The following TRPM3 variants were observed in gnomAD, a reference collection of about 807,000 sequenced individuals.
TRPM3 encodes the protein transient receptor potential cation channel subfamily M member 3.
TRPM3 carries 77 observed loss-of-function variants against 181.2 expected under a neutral mutation model. The observed-to-expected ratio is 0.42, with a 90% CI of 0.35 to 0.51. The LOEUF is 0.51. TRPM3 is among the 20% of genes least tolerant of loss of function. The pLI is 0.01. For synonymous variants in TRPM3, 745 were observed against 796.4 expected (o/e 0.94, Z 1.09); for missense variants, 1,759 against 2,196.7 (o/e 0.80, Z 3.98).
intron 8 of TRPM3, among the ~76,000 whole-genome samples, chr9:70,754,593 C>T (rs1477304690): frequency 1.3e-5 from 2 of 152,064 alleles, no homozygotes; most frequent in Non-Finnish European, 2.9e-5. Context: ...TTCATGAGGC[C>T]ACAGCACCCA....
chr9:70,917,207 T>G, intron 1 of TRPM3: 1 of 1,599,528 alleles, frequency 6.3e-7, no homozygotes, highest in South Asian at 1.1e-5. Context: ...TTTATTGAAG[T>G]CCTGGATTGC....
At chr9:71,134,355 C>A (rs1246518186) in intron 1 of TRPM3, among the ~76,000 whole-genome samples, 1 of 151,772 alleles carries the variant, frequency 6.6e-6, no homozygotes. Flanking sequence ...ATGAAGTCAC[C>A]ATCCTGGCCA....
chr9:71,353,818 T>C (rs780966981), intron 1 of TRPM3, among the ~76,000 whole-genome samples: 7 of 152,200 alleles, frequency 4.6e-5, no homozygotes, highest in Admixed American at 2.6e-4. Flanking sequence ...CTACCACATA[T>C]ATTGGTGAAC....
chr9:70,997,476 T>C (rs1399218861), intron 1 of TRPM3, among the ~76,000 whole-genome samples: 1 of 152,350 alleles, frequency 6.6e-6, no homozygotes, highest in Admixed American at 6.5e-5. Flanking sequence ...ATTACAGGCT[T>C]GAGCCACCGC....
intron 1 of TRPM3, among the ~76,000 whole-genome samples, chr9:71,254,598 TATG>T (rs1232339987): frequency 3.3e-5 from 5 of 152,224 alleles, no homozygotes; most frequent in African/African-American, 4.8e-5. Context: ...GATAAATATA[TATG>T]ATTATTGTCA....
intron 20 of TRPM3, 115 bp from the exon 21 acceptor site, chr9:70,598,785 T>A: frequency 8.0e-7 from 1 of 1,248,370 alleles, no homozygotes; most frequent in South Asian, 1.4e-5. Flanking sequence ...TCTACCTATA[T>A]CTACTTAAAT....
intron 1 of TRPM3, among the ~76,000 whole-genome samples, chr9:70,879,735 G>A (rs1216865392): frequency 6.6e-6 from 1 of 152,116 alleles, no homozygotes; most frequent in Non-Finnish European, 1.5e-5. Context: ...GTGAATTAAT[G>A]GAACACCTTG....
intron 1 of TRPM3, among the ~76,000 whole-genome samples, chr9:71,368,257 T>A (rs565764670): frequency 6.6e-6 from 1 of 152,190 alleles, no homozygotes; most frequent in Admixed American, 6.5e-5. Flanking sequence ...TCTGATTACT[T>A]GTTTGACAGC....
intron 1 of TRPM3, among the ~76,000 whole-genome samples, chr9:71,024,296 C>T (rs1252343223): frequency 2.6e-5 from 4 of 151,900 alleles, no homozygotes; most frequent in Non-Finnish European, 4.4e-5. Context: ...GACAGAGGGG[C>T]CAAGTATCAA....
chr9:71,375,525 G>GA (rs2092644869), intron 1 of TRPM3, among the ~76,000 whole-genome samples: 1 of 152,146 alleles, frequency 6.6e-6, no homozygotes, highest in African/African-American at 2.4e-5. Flanking sequence ...TTGACAAATA[G>GA]AATCTAATTA....
chr9:71,203,590 A>T (rs980374793), intron 1 of TRPM3, among the ~76,000 whole-genome samples: 10 of 152,226 alleles, frequency 6.6e-5, no homozygotes, highest in Admixed American at 1.3e-4. Context: ...CAGTTATGCT[A>T]CTGACTGGCT....
At chr9:71,248,746 G>T (rs556810360) in intron 1 of TRPM3, among the ~76,000 whole-genome samples, 13 of 152,054 alleles carry the variant, frequency 8.5e-5, no homozygotes, top group Non-Finnish European at 1.6e-4. Context: ...TATAATGTAC[G>T]TCCAACTATT....
intron 1 of TRPM3, among the ~76,000 whole-genome samples, chr9:70,949,867 C>T (rs560900029): frequency 6.6e-6 from 1 of 152,208 alleles, no homozygotes; most frequent in East Asian, 1.9e-4. Flanking sequence ...AAATCACCTC[C>T]TTCATCTGAG....
intron 1 of TRPM3, among the ~76,000 whole-genome samples, chr9:71,056,187 T>C (rs1156682898): frequency 6.6e-6 from 1 of 151,870 alleles, no homozygotes; most frequent in Non-Finnish European, 1.5e-5. Context: ...ACTAGAAAAA[T>C]TGAGGAAGAA....
intron 1 of TRPM3, among the ~76,000 whole-genome samples, chr9:71,101,784 G>C (rs1260863406): frequency 6.6e-6 from 1 of 152,130 alleles, no homozygotes; most frequent in Non-Finnish European, 1.5e-5. Flanking sequence ...ACTTTAGAAA[G>C]TTTGATGTTT....
intron 1 of TRPM3, among the ~76,000 whole-genome samples, chr9:71,239,060 C>T (rs1200827232): frequency 1.3e-5 from 2 of 152,042 alleles, no homozygotes; most frequent in African/African-American, 4.8e-5. Context: ...CTACCTCCTT[C>T]CCTTGAAGAA....
intron 1 of TRPM3, among the ~76,000 whole-genome samples, chr9:71,440,258 A>C (rs2094117962): frequency 6.6e-6 from 1 of 152,194 alleles, no homozygotes; most frequent in South Asian, 2.1e-4. Flanking sequence ...AATTCACCCA[A>C]GGCTACACAG....
intron 1 of TRPM3, among the ~76,000 whole-genome samples, chr9:70,970,899 A>G (rs765672691): frequency 9.2e-5 from 14 of 152,212 alleles, no homozygotes; most frequent in Admixed American, 8.5e-4. Context: ...ATACAGGTCC[A>G]TGATATGACA....
chr9:70,917,180 T>C (rs2096605527), intron 1 of TRPM3: 5 of 1,605,784 alleles, frequency 3.1e-6, no homozygotes, highest in Non-Finnish European at 4.3e-6. Context: ...GAGGAGTTTC[T>C]GCTTTTTAAA....
Sources: allele counts gnomAD v4.1 joint callset (sites outside exome capture counted in the v4.1 genomes callset), GRCh38; gene constraint gnomAD v4.1.1; transcripts MANE v1.5; gene names NCBI Gene and HGNC (gene_info 2026-07-23, HGNC 2026-07-21).